Variants in SLCO3A1 observed in about 807,000 individuals in gnomAD.
The protein encoded by SLCO3A1 is PGE1 transporter.
A neutral mutation model predicts 63.1 loss-of-function variants in SLCO3A1; 27 were observed. The observed-to-expected ratio is 0.43, with a 90% CI of 0.32 to 0.59. The LOEUF is 0.59. Among genes scored for constraint, SLCO3A1 ranks in the 20% least tolerant of loss-of-function variants. SLCO3A1 has a pLI of 0.09. For synonymous variants in SLCO3A1, 473 were observed against 409.9 expected (o/e 1.15, Z -1.86); for missense variants, 773 against 945.8 (o/e 0.82, Z 2.40).
intron 1 of SLCO3A1, among the ~76,000 whole-genome samples, chr15:91,866,928 C>T (rs1240061623): frequency 6.6e-6 from 1 of 152,138 alleles, no homozygotes; most frequent in Non-Finnish European, 1.5e-5. Context: ...ATAATTTTCT[C>T]AACCTTGGTT....
intron 2 of SLCO3A1, among the ~76,000 whole-genome samples, chr15:91,965,859 C>T (rs890226084): frequency 3.9e-5 from 6 of 152,108 alleles, no homozygotes; most frequent in Non-Finnish European, 7.4e-5. Flanking sequence ...AGCCCTTAGT[C>T]GATTGAGCCA....
intron 8 of SLCO3A1, 116 bp from the exon 9 acceptor site, chr15:92,150,834 A>G: frequency 1.6e-6 from 1 of 629,590 alleles, no homozygotes; most frequent in Non-Finnish European, 2.7e-6. Context: ...AGACACTATT[A>G]GTAATTTTCT....
At chr15:92,039,072 G>A (rs781572894) in intron 2 of SLCO3A1, among the ~76,000 whole-genome samples, 4 of 150,866 alleles carry the variant, frequency 2.7e-5, no homozygotes, top group African/African-American at 7.3e-5. Flanking sequence ...ACTGGACCCC[G>A]TCCTCCTCAA....
intron 1 of SLCO3A1, among the ~76,000 whole-genome samples, chr15:91,896,197 G>A (rs140131232): frequency 1.6e-4 from 25 of 152,302 alleles, no homozygotes; most frequent in African/African-American, 4.8e-4. Context: ...GCCTTTTCCT[G>A]TGTTGGAAGA....
intron 6 of SLCO3A1, among the ~76,000 whole-genome samples, chr15:92,128,106 C>T (rs915590686): frequency 1.2e-4 from 18 of 152,170 alleles, no homozygotes; most frequent in African/African-American, 4.3e-4. Flanking sequence ...CCCAGCCCAC[C>T]ACCCAAGCTG....
chr15:91,913,627 TGAATA>T (rs1898556930), intron 1 of SLCO3A1, among the ~76,000 whole-genome samples: 1 of 152,324 alleles, frequency 6.6e-6, no homozygotes, highest in Non-Finnish European at 1.5e-5. Context: ...AACGGGAAAT[TGAATA>T]GAAGCATGCT....
chr15:91,964,064 A>G (rs771141083), intron 2 of SLCO3A1, among the ~76,000 whole-genome samples: 1 of 152,156 alleles, frequency 6.6e-6, no homozygotes, highest in Non-Finnish European at 1.5e-5. Flanking sequence ...TTAGCTAGAC[A>G]CAAAAGTTCT....
At position 92,067,426 on chromosome 15, in the gene SLCO3A1, T is replaced by G. The variant is rs1349151402; in HGVS notation, c.647-27455T>G. Among the ~76,000 whole-genome samples, 4 of 152,180 alleles carry G rather than the reference T, an allele frequency of 2.6e-5. No homozygotes were observed. The South Asian group carries it at 8.3e-4, about 31-fold the overall frequency. The stretch of plus-strand genomic sequence containing the variant: ...GAGAAGTGAGACTATTCTTACAGCA[T>G]AGGAAAGTTGACTACGGGAATGACA... On this transcript the variant is annotated intron_variant, in intron 2 of 9. Coordinates refer to ENST00000318445, the MANE Select transcript of SLCO3A1 (RefSeq NM_013272.4).
chr15:91,880,098 T>TGTCCGTCCGTCC (rs61664916), intron 1 of SLCO3A1, among the ~76,000 whole-genome samples: 5 of 97,794 alleles, frequency 5.1e-5, no homozygotes, highest in Non-Finnish European at 8.5e-5. Flanking sequence ...CTTGTATGTG[T>TGTCCGTCCGTCC]GTCCGTCCGT....
At chr15:92,150,744 C>G (rs1470922446) in intron 8 of SLCO3A1, among the ~76,000 whole-genome samples, 2 of 151,546 alleles carry the variant, frequency 1.3e-5, no homozygotes, top group African/African-American at 2.4e-5. Context: ...AATTCCTAAA[C>G]TTATCTTGGC....
At chr15:92,062,434 G>T (rs1035898664) in intron 2 of SLCO3A1, among the ~76,000 whole-genome samples, 6 of 152,178 alleles carry the variant, frequency 3.9e-5, no homozygotes, top group African/African-American at 7.2e-5. Flanking sequence ...TGTGGTCCAT[G>T]TGGGAAGTGT....
At chr15:92,148,311 G>A (rs2048257029) in intron 8 of SLCO3A1, among the ~76,000 whole-genome samples, 1 of 152,286 alleles carries the variant, frequency 6.6e-6, no homozygotes, top group East Asian at 1.9e-4. Flanking sequence ...TGAAACGCAT[G>A]GAAGTACCCA....
Position 91,954,264 on chromosome 15 carries a change from C to T in SLCO3A1, c.646+37806C>T, listed in dbSNP as rs1036431377. On this transcript the variant is annotated intron_variant, in intron 2 of 9. Coordinates refer to ENST00000318445, the MANE Select transcript of SLCO3A1 (RefSeq NM_013272.4). The surrounding 1 kb of genome is among the most constrained non-coding windows in gnomAD (Gnocchi z 4.7). Reference sequence around the variant, plus strand: ...ATTAGAAGCTGTGCGGGTGCCCCTACGTTCTCACTTGTCTCTGAGCCCTTT... The same window carrying T: ...ATTAGAAGCTGTGCGGGTGCCCCTATGTTCTCACTTGTCTCTGAGCCCTTT... Among the ~76,000 whole-genome samples, 5 of 152,190 alleles carry T rather than the reference C, an allele frequency of 3.3e-5. No individual in the cohort carries two copies. Among genetic ancestry groups the T allele is most frequent in the South Asian group, 4.1e-4 (2 of 4,834 alleles).
At chr15:91,978,498 G>C (rs1264666925) in intron 2 of SLCO3A1, among the ~76,000 whole-genome samples, 1 of 152,168 alleles carries the variant, frequency 6.6e-6, no homozygotes, top group African/African-American at 2.4e-5. Context: ...ACTGCAAAGA[G>C]GAGGGAAGGA....
chr15:91,952,305 G>A (rs951353001), intron 2 of SLCO3A1, among the ~76,000 whole-genome samples: 2 of 152,178 alleles, frequency 1.3e-5, no homozygotes, highest in Non-Finnish European at 2.9e-5. Context: ...GTCATCCTGT[G>A]GGTTGCCTTA....
At chr15:92,128,167 C>T (rs561375335) in intron 6 of SLCO3A1, among the ~76,000 whole-genome samples, 184 bp from the exon 7 acceptor site, 243 of 152,254 alleles carry the variant, frequency 1.6e-3, no homozygotes, top group Non-Finnish European at 2.8e-3. Flanking sequence ...TGGCCCTGGG[C>T]TGCTCCTTGC....
At chr15:92,170,079 G>C (rs1053051415), downstream of SLCO3A1, among the ~76,000 whole-genome samples, 4 of 152,148 alleles carry the variant, frequency 2.6e-5, no homozygotes, top group African/African-American at 4.8e-5. Context: ...CTTTCTGTAG[G>C]TGGACACTTA....
Position 91,853,822 on chromosome 15 carries a change from C to T in SLCO3A1, c.-87C>T, listed in dbSNP as rs1435173499. 1.7e-6 allele frequency: 2 copies of T among 1,148,812 alleles called. No individual in the cohort carries two copies. The highest frequency in any genetic ancestry group is 2.1e-6 in the Non-Finnish European group (2 of 937,650). The allele number at this position is 1,148,812 out of a possible 1,614,324, so 71.2% of individuals were successfully genotyped here. Reference sequence around the variant, plus strand: ...GCGGGGACAGCACGCAGCCTCGAGGCGCGCACCCCCGCCCGGCAGCGGCCC... The same window carrying T: ...GCGGGGACAGCACGCAGCCTCGAGGTGCGCACCCCCGCCCGGCAGCGGCCC... On this transcript the variant is annotated 5_prime_UTR_variant, in exon 1 of 10. Coordinates refer to ENST00000318445, the MANE Select transcript of SLCO3A1 (RefSeq NM_013272.4).
At chr15:92,008,782 C>T (rs1268059736) in intron 2 of SLCO3A1, among the ~76,000 whole-genome samples, 1 of 152,136 alleles carries the variant, frequency 6.6e-6, no homozygotes, top group Admixed American at 6.5e-5. Context: ...GGACCATAAT[C>T]GTTTATATGA....
Sources: allele counts gnomAD v4.1 joint callset (sites outside exome capture counted in the v4.1 genomes callset), GRCh38; gene constraint gnomAD v4.1.1; non-coding constraint Gnocchi (gnomAD v3.1); transcripts MANE v1.5; gene names NCBI Gene and HGNC (gene_info 2026-07-23, HGNC 2026-07-21).